ATG10: variants seen among roughly 807,000 people sequenced by gnomAD.
The protein encoded by ATG10 is ubiquitin-like-conjugating enzyme ATG10.
ATG10 carries 30 observed loss-of-function variants against 32.1 expected under a neutral mutation model. That is an observed-to-expected ratio of 0.94 (90% CI 0.70 to 1.27). The LOEUF (loss-of-function observed/expected upper bound fraction) is 1.27. Ranked by LOEUF, ATG10 falls within the 50% of genes most tolerant of loss-of-function variation. ATG10 has a pLI of 0.00. For synonymous variants in ATG10, 87 were observed against 91.5 expected, an observed-to-expected ratio of 0.95 and a Z score of 0.28; for missense variants, 233 against 262.3, an observed-to-expected ratio of 0.89 and a Z score of 0.77.
At chr5:82,079,361 G>C (rs2149778978) in intron 3 of ATG10, among the ~76,000 whole-genome samples, 1 of 151,946 alleles carries the variant, frequency 6.6e-6, no homozygotes, top group South Asian at 2.1e-4. Context: ...ACTTGTTCAG[G>C]GAAACTTTTT....
chr5:82,086,447 A>C (rs753669843), intron 3 of ATG10, among the ~76,000 whole-genome samples: 11 of 152,188 alleles, frequency 7.2e-5, no homozygotes, highest in Non-Finnish European at 1.3e-4. Flanking sequence ...CTCAGTTGGG[A>C]TGAGTGGACT....
intron 3 of ATG10, among the ~76,000 whole-genome samples, chr5:82,140,664 C>A (rs1767078864): frequency 1.9e-5 from 1 of 52,682 alleles, no homozygotes. Flanking sequence ...CTCTGCCCGG[C>A]CGCCCCTACT....
intron 2 of ATG10, among the ~76,000 whole-genome samples, chr5:82,000,341 A>G (rs1268901683): frequency 6.6e-6 from 1 of 152,220 alleles, no homozygotes; most frequent in Non-Finnish European, 1.5e-5. Flanking sequence ...GCCATCTACG[A>G]CAAACCCACA....
intron 3 of ATG10, among the ~76,000 whole-genome samples, chr5:82,135,038 T>G (rs6895404): frequency 0.52 from 78,015 of 149,486 alleles, 21,061 homozygotes; most frequent in African/African-American, 0.63. Context: ...TTCTCTGATG[T>G]TAGTTTGTAT....
At chr5:82,153,656 T>C (rs984072519) in intron 3 of ATG10, among the ~76,000 whole-genome samples, 2 of 152,166 alleles carry the variant, frequency 1.3e-5, no homozygotes, top group African/African-American at 4.8e-5. Context: ...TACACTTGAA[T>C]GAAGCTGAAA....
chr5:82,180,370 T>C (rs1384010199), intron 5 of ATG10, among the ~76,000 whole-genome samples: 1 of 152,174 alleles, frequency 6.6e-6, no homozygotes, highest in Non-Finnish European at 1.5e-5. Context: ...CATTCCCTTC[T>C]CTGAAACCAC....
chr5:82,121,941 G>GTTTTTTTTTTTTTTTTTTTTTTT (rs77349086), intron 3 of ATG10, among the ~76,000 whole-genome samples: 36 of 120,990 alleles, frequency 3.0e-4, no homozygotes, highest in African/African-American at 6.6e-4. Context: ...TTGGCCTGAA[G>GTTTTTTTTTTTTTTTTTTTTTTT]TTTTTTTTTT....
intron 2 of ATG10, among the ~76,000 whole-genome samples, chr5:82,028,949 G>A (rs1762668937): frequency 6.6e-6 from 1 of 152,146 alleles, no homozygotes; most frequent in African/African-American, 2.4e-5. Flanking sequence ...ATTGTGGTTA[G>A]GCTGTGTCAC....
chr5:82,113,731 T>C (rs73768629), intron 3 of ATG10, among the ~76,000 whole-genome samples: 1,803 of 152,174 alleles, frequency 0.012, 24 homozygotes, highest in African/African-American at 0.042. Context: ...TTTTGACTTG[T>C]ATTTGTTTGA....
At chr5:82,147,543 T>G (rs1364573100) in intron 3 of ATG10, 1 of 152,254 alleles carries the variant, frequency 6.6e-6, no homozygotes, top group East Asian at 1.9e-4. Flanking sequence ...AATAGCTTAG[T>G]TAGACTCAAA....
At chr5:82,017,434 G>A (rs978196802) in intron 2 of ATG10, among the ~76,000 whole-genome samples, 2 of 152,086 alleles carry the variant, frequency 1.3e-5, no homozygotes, top group Non-Finnish European at 2.9e-5. Context: ...AGGACTTTCA[G>A]TACTATGTTA....
At chr5:82,002,383 A>G (rs1761874756) in intron 2 of ATG10, among the ~76,000 whole-genome samples, 2 of 151,898 alleles carry the variant, frequency 1.3e-5, no homozygotes, top group South Asian at 4.1e-4. Context: ...ACAGAGACAT[A>G]GAATCCTAAA....
intron 3 of ATG10, among the ~76,000 whole-genome samples, chr5:82,095,917 C>A (rs1341621252): frequency 6.6e-6 from 1 of 152,188 alleles, no homozygotes; most frequent in Non-Finnish European, 1.5e-5. Flanking sequence ...TAATGATGAA[C>A]TCTTCCAGTG....
chr5:82,089,610 G>T (rs1764812101), intron 3 of ATG10, among the ~76,000 whole-genome samples: 1 of 152,078 alleles, frequency 6.6e-6, no homozygotes, highest in African/African-American at 2.4e-5. Flanking sequence ...AAAGTGGATT[G>T]TGGATTTAAA....
chr5:82,189,952 G>A (rs1409556601), intron 5 of ATG10, among the ~76,000 whole-genome samples: 5 of 152,044 alleles, frequency 3.3e-5, no homozygotes, highest in Non-Finnish European at 5.9e-5. Context: ...CTTTAGACTG[G>A]ATACTTGCTC....
chr5:82,095,320 A>C (rs1020283604), intron 3 of ATG10, among the ~76,000 whole-genome samples: 1 of 152,170 alleles, frequency 6.6e-6, no homozygotes, highest in African/African-American at 2.4e-5. Context: ...TTTTAAAGTA[A>C]TTATTTGCAA....
intron 3 of ATG10, among the ~76,000 whole-genome samples, chr5:82,161,946 A>G (rs985681818): frequency 2.0e-5 from 3 of 152,294 alleles, no homozygotes; most frequent in Admixed American, 6.5e-5. Flanking sequence ...TGATGAAGAC[A>G]TGTAACTTAG....
At chr5:82,170,447 G>A (rs1363460679) in intron 4 of ATG10, among the ~76,000 whole-genome samples, 1 of 152,176 alleles carries the variant, frequency 6.6e-6, no homozygotes, top group African/African-American at 2.4e-5. Flanking sequence ...GTGCTGTTTT[G>A]AGAAGGCAGA....
chr5:81,985,634 C>G (rs1761241571), intron 1 of ATG10, among the ~76,000 whole-genome samples: 1 of 152,222 alleles, frequency 6.6e-6, no homozygotes, highest in South Asian at 2.1e-4. Context: ...AATCTTTTCT[C>G]TCCCCTGTCC....
Sources: allele counts gnomAD v4.1 joint callset (sites outside exome capture counted in the v4.1 genomes callset), GRCh38; gene constraint gnomAD v4.1.1; transcripts MANE v1.5; gene names NCBI Gene and HGNC (gene_info 2026-07-23, HGNC 2026-07-21).